Variants in CNBD1 observed in about 807,000 individuals in gnomAD.
CNBD1 encodes the protein cyclic nucleotide binding domain containing 1, also known as cyclic nucleotide-binding domain-containing protein 1.
A neutral mutation model predicts 54.4 loss-of-function variants in CNBD1; 71 were observed. The ratio of observed to expected loss-of-function variants is 1.30; its 90% confidence interval spans 1.08 to 1.59. The LOEUF (loss-of-function observed/expected upper bound fraction) is 1.59, where lower values mean the gene tolerates loss of function less well. Ranked by LOEUF, CNBD1 falls within the 40% of genes most tolerant of loss-of-function variation. CNBD1 has a pLI of 0.00. For missense variants in CNBD1, 659 were observed against 518.0 expected (o/e 1.27, Z -2.64); for synonymous variants, 182 against 170.7 (o/e 1.07, Z -0.51).
rs1176919694 is a variant in CNBD1, at chr8:87,423,488, G to A, written c.214-5058G>A. On this transcript the variant is annotated intron_variant, in intron 2 of 7. Coordinates refer to the CNBD1 transcript ENST00000521593. Reference sequence around the variant, plus strand: ...TTATTGAGAGTTTTTAGCATGAAGGGTTGTTGAATTTTGTCAAAGGCCTTT... The same window carrying A: ...TTATTGAGAGTTTTTAGCATGAAGGATTGTTGAATTTTGTCAAAGGCCTTT... Among the ~76,000 whole-genome samples the A allele has an allele frequency of 3.3e-5, 5 of 151,620 alleles. No homozygotes were observed. The South Asian group carries it at 1.0e-3, about 31-fold the overall frequency.
In CNBD1 at chr8:86,955,260, C is replaced by T. The variant is rs182384929; in HGVS notation, c.431+15506C>T. On this transcript the variant is annotated intron_variant, in intron 4 of 10. Transcript: ENST00000518476. ...ATGGACATTTGGGATGGTTCCAAGT[C>T]TTTGCTATTGTGAATAGTGCCCCAA... Among the ~76,000 whole-genome samples, 309 of 152,192 alleles carry T rather than the reference C, an allele frequency of 2.0e-3. 2 individuals carry two copies. The highest frequency in any genetic ancestry group is 7.1e-3 in the African/African-American group (293 of 41,504).
At chr8:87,190,101 A>C (rs2130784788) in intron 4 of CNBD1, among the ~76,000 whole-genome samples, 1 of 152,338 alleles carries the variant, frequency 6.6e-6, no homozygotes, top group Admixed American at 6.5e-5. Flanking sequence ...CCTTTAATTA[A>C]AATGAACTTT....
At chr8:87,308,261 C>G (rs549123064) in intron 8 of CNBD1, among the ~76,000 whole-genome samples, 79 of 152,140 alleles carry the variant, frequency 5.2e-4, no homozygotes, top group Non-Finnish European at 9.1e-4. Flanking sequence ...TTGGTAAAGT[C>G]CTTTTTGGAA....
At chr8:87,039,078 C>A (rs1266279433) in intron 4 of CNBD1, among the ~76,000 whole-genome samples, 1 of 152,084 alleles carries the variant, frequency 6.6e-6, no homozygotes, top group African/African-American at 2.4e-5. Context: ...ACTGTAATGA[C>A]CTCTTTTTTC....
At chr8:87,415,278 A>C (rs1807816790) in intron 2 of CNBD1, among the ~76,000 whole-genome samples, 1 of 152,006 alleles carries the variant, frequency 6.6e-6, no homozygotes, top group Admixed American at 6.6e-5. Context: ...TAATTCAGTA[A>C]GTCTAGGTTG....
chr8:87,393,113 A>G (rs968447770), intron 2 of CNBD1, among the ~76,000 whole-genome samples: 4 of 151,700 alleles, frequency 2.6e-5, no homozygotes, highest in African/African-American at 9.7e-5. Flanking sequence ...GATTGAAAGT[A>G]GAGTAATTTT....
At chr8:87,403,341 A>C (rs1365390997) in intron 2 of CNBD1, among the ~76,000 whole-genome samples, 1 of 152,038 alleles carries the variant, frequency 6.6e-6, no homozygotes, top group Non-Finnish European at 1.5e-5. Flanking sequence ...CATTCTCCTG[A>C]AATATATGGC....
intron 4 of CNBD1, among the ~76,000 whole-genome samples, chr8:87,142,224 A>G (rs1302534721): frequency 1.3e-5 from 2 of 152,140 alleles, no homozygotes; most frequent in Non-Finnish European, 2.9e-5. Flanking sequence ...GATTATGGCA[A>G]ATAAGAAAGA....
intron 2 of CNBD1, among the ~76,000 whole-genome samples, chr8:87,411,113 A>AGGCCGGGCGCGGTGGCTC: frequency 6.6e-6 from 1 of 151,892 alleles, no homozygotes; most frequent in Admixed American, 6.6e-5. Context: ...AACCAGCAAT[A>AGGCCGGGCGCGGTGGCTC]ACTCCAGAAA....
At chr8:87,366,684 T>A (rs1196922568) in intron 10 of CNBD1, among the ~76,000 whole-genome samples, 2 of 151,990 alleles carry the variant, frequency 1.3e-5, no homozygotes, top group Non-Finnish European at 2.9e-5. Flanking sequence ...TCTGCTACCA[T>A]AGTGCTGGAG....
chr8:87,377,860 T>A (rs930768315), intron 10 of CNBD1, among the ~76,000 whole-genome samples: 1 of 151,294 alleles, frequency 6.6e-6, no homozygotes. Flanking sequence ...TGGTGTGAGA[T>A]GATATCTCAC....
At chr8:87,121,414 C>A (rs950810094) in intron 4 of CNBD1, among the ~76,000 whole-genome samples, 9 of 151,590 alleles carry the variant, frequency 5.9e-5, no homozygotes, top group African/African-American at 1.2e-4. Flanking sequence ...TAATTTTATA[C>A]ATTTATGAGG....
intron 2 of CNBD1, among the ~76,000 whole-genome samples, chr8:87,408,622 A>T (rs1586084269): frequency 6.6e-6 from 1 of 151,996 alleles, no homozygotes; most frequent in Non-Finnish European, 1.5e-5. Flanking sequence ...TCATTATATC[A>T]TGCTTCACAG....
intron 4 of CNBD1, among the ~76,000 whole-genome samples, chr8:87,008,634 A>G (rs1221134700): frequency 1.3e-5 from 2 of 152,198 alleles, no homozygotes; most frequent in Non-Finnish European, 2.9e-5. Context: ...GAAGAAAAGC[A>G]GAAATCATCA....
intron 8 of CNBD1, among the ~76,000 whole-genome samples, chr8:87,336,844 G>A (rs1434869120): frequency 6.6e-6 from 1 of 152,108 alleles, no homozygotes; most frequent in East Asian, 1.9e-4. Flanking sequence ...TCTAGTTTCA[G>A]TCTTTGAAGC....
intron 4 of CNBD1, among the ~76,000 whole-genome samples, chr8:87,089,023 T>A (rs1453042657): frequency 6.6e-6 from 1 of 152,098 alleles, no homozygotes; most frequent in Admixed American, 6.5e-5. Context: ...TACGGGAAGC[T>A]TCATAAAGAA....
At chr8:87,189,235 C>G (rs1813547540) in intron 4 of CNBD1, among the ~76,000 whole-genome samples, 2 of 152,082 alleles carry the variant, frequency 1.3e-5, no homozygotes, top group South Asian at 4.1e-4. Flanking sequence ...CTATTGTTAA[C>G]CACTCAGATC....
At chr8:86,909,312 A>G (rs552048647) in intron 3 of CNBD1, among the ~76,000 whole-genome samples, 2 of 152,302 alleles carry the variant, frequency 1.3e-5, no homozygotes, top group South Asian at 4.1e-4. Flanking sequence ...CACATATTCT[A>G]TGCTTATTTT....
At chr8:86,942,895 G>A (rs1807365896) in intron 4 of CNBD1, among the ~76,000 whole-genome samples, 1 of 152,072 alleles carries the variant, frequency 6.6e-6, no homozygotes, top group African/African-American at 2.4e-5. Context: ...TCTATTTATT[G>A]ATGGATAAGT....
Sources: gnomAD v4.1 joint callset for allele counts (sites outside exome capture counted in the v4.1 genomes callset) on GRCh38, gnomAD v4.1.1 for gene constraint, MANE v1.5 for transcripts, NCBI Gene and HGNC (gene_info 2026-07-23, HGNC 2026-07-21) for gene names.